The following PXN variants were observed in gnomAD, a reference collection of about 807,000 sequenced individuals.
The protein encoded by PXN is paxillin.
Under a neutral mutation model 103.6 loss-of-function variants are expected in PXN, and 61 were observed. That is an observed-to-expected ratio of 0.59 (90% CI 0.48 to 0.73). The LOEUF is 0.73. PXN is among the 30% of genes least tolerant of loss of function. The probability of loss-of-function intolerance (pLI) is 0.00; values close to 1 mark genes in which losing one functional copy is unlikely to be tolerated. For synonymous variants in PXN, 562 were observed against 607.8 expected, an observed-to-expected ratio of 0.92 and a Z score of 1.11; for missense variants, 1,274 against 1,460.3, an observed-to-expected ratio of 0.87 and a Z score of 2.08.
intron 1 of PXN, among the ~76,000 whole-genome samples, chr12:120,259,229 T>G (rs551095092): frequency 4.6e-5 from 7 of 151,836 alleles, no homozygotes; most frequent in Non-Finnish European, 1.0e-4. Flanking sequence ...CCACCTCTAC[T>G]AAAAATACAA....
At chr12:120,244,420 G>A (rs1224464716) in intron 1 of PXN, among the ~76,000 whole-genome samples, 2 of 151,932 alleles carry the variant, frequency 1.3e-5, no homozygotes, top group Admixed American at 6.6e-5. Flanking sequence ...GCCGAGGCGG[G>A]CGGATCACGA....
In PXN at chr12:120,219,968, G is replaced by T; in HGVS notation, c.955C>A (p.Pro319Thr). The change falls in exon 7 of 15, where the codon CCC becomes ACC. Residue 319 changes from proline to threonine, a missense_variant. By Grantham distance (38) the Pro-to-Thr change is conservative. Around this residue, in one of 2 missense-constraint regions of PXN, gnomAD observed 1,178 missense variants for 1,309.0 expected, o/e 0.90. Transcript: ENST00000637617. This position sits in a 1 kb window ranked among gnomAD's most constrained non-coding sequence, Gnocchi z 6.5. ...PSVFLPPTTIPSPRGQGHTPE... is the reference protein window; with the variant it reads ...PSVFLPPTTITSPRGQGHTPE... ...GTGTGGCCCTGGCCTCGAGGGGAGG[G>T]TATAGTGGTGGGTGGCAGAAATACA... The T allele has an allele frequency of 6.3e-7, 1 of 1,594,790 alleles. No homozygotes were observed.
chr12:120,222,964 G>C lies in PXN; in HGVS notation c.392C>G (p.Pro131Arg), dbSNP rs750055610. The change falls in exon 4 of 15, where the codon CCC becomes CGC. Residue 131 changes from proline (P) to arginine (R), a missense_variant. By Grantham distance (103) the Pro-to-Arg change is moderately radical. Transcript: ENST00000637617. This position sits in a 1 kb window ranked among gnomAD's most constrained non-coding sequence, Gnocchi z 4.7. ...PNKQKSAEPS[P>R]TVMSTSLGSN... ...GCCCAGGGACGTGCTCATTACGGTG[G>C]GTGAAGGCTCAGCTGATTTCTGCTT... is the stretch of plus-strand genomic sequence containing the variant. 1.1e-5 allele frequency: 18 copies of C among 1,613,964 alleles called. No individual in the cohort carries two copies. The South Asian group carries it at 2.0e-4, about 18-fold the overall frequency.
In PXN at chr12:120,228,821, C is replaced by T. The variant is rs1887440090; in HGVS notation, c.14-4444G>A. 1.3e-5 allele frequency among the ~76,000 whole-genome samples: 2 copies of T among 152,344 alleles called. No homozygotes were observed. The highest frequency in any genetic ancestry group is 1.3e-4 in the Admixed American group (2 of 15,312). On this transcript the variant is annotated intron_variant, in intron 1 of 14. Transcript: ENST00000637617. The surrounding 1 kb of genome is among the most constrained non-coding windows in gnomAD (Gnocchi z 4.7). ...ACCGTGTGCGCCCCTATCTGCACCC[C>T]ATGGCTGCACCTGGTCGGAGCAACA...
At chr12:120,236,118 G>C (rs1216020209) in intron 1 of PXN, among the ~76,000 whole-genome samples, 1 of 152,184 alleles carries the variant, frequency 6.6e-6, no homozygotes, top group East Asian at 1.9e-4. Context: ...TCCATGTCTT[G>C]CCCTCTGTAC....
At chr12:120,253,819 A>G (rs537635086) in intron 1 of PXN, among the ~76,000 whole-genome samples, 2 of 152,240 alleles carry the variant, frequency 1.3e-5, no homozygotes, top group Non-Finnish European at 2.9e-5. Flanking sequence ...TAAGCCAGAC[A>G]CAACAAGAAA....
intron 1 of PXN, among the ~76,000 whole-genome samples, chr12:120,231,091 A>T (rs1005352625): frequency 6.6e-6 from 1 of 152,106 alleles, no homozygotes; most frequent in African/African-American, 2.4e-5. Context: ...GGAGGAGGGG[A>T]GCCAGGATGC....
In PXN at chr12:120,212,128, G is replaced by T; in HGVS notation, c.*186C>A. 1 of 888,056 alleles carries T rather than the reference G, an allele frequency of 1.1e-6. No individual in the cohort carries two copies. Among genetic ancestry groups the T allele is most frequent in the Non-Finnish European group, 1.8e-6 (1 of 548,562 alleles). The allele number at this position is 888,056 out of a possible 1,614,324, so 55.0% of individuals were successfully genotyped here. On this transcript the variant is annotated 3_prime_UTR_variant, in exon 15 of 15. Coordinates refer to ENST00000637617, the MANE Select transcript of PXN (RefSeq NM_001385981.1). The surrounding 1 kb of genome is among the most constrained non-coding windows in gnomAD (Gnocchi z 7.2). ...TACAGGAGGGAGGAGGGGGCCCAGA[G>T]GCTCTGGCAGGGGTGAAGACAAGCA...
intron 1 of PXN, among the ~76,000 whole-genome samples, chr12:120,232,012 A>G (rs1199970736): frequency 6.6e-6 from 1 of 152,260 alleles, no homozygotes; most frequent in Admixed American, 6.5e-5. Context: ...AGGCTGGCCA[A>G]ACACCAGAGT....
rs557835020 is a variant in PXN, at chr12:120,216,975, G to T, written c.1858C>A (p.Arg620=). The change falls in exon 8 of 15, where the codon CGG becomes AGG. Residue 620 remains arginine (R), a synonymous_variant. Transcript: ENST00000637617. The surrounding 1 kb of genome is among the most constrained non-coding windows in gnomAD (Gnocchi z 5.1). ...QEQLIAELQG[R]LGIQPEAEEP... is the part of the protein sequence containing the mutation. ...TCTGCCTCAGGCTGGATGCCCAGCC[G>T]CCCCTGCAGCTCCGCGATGAGCTGT... 15 of 1,545,498 alleles carry T rather than the reference G, an allele frequency of 9.7e-6. No individual in the cohort carries two copies. Among genetic ancestry groups the T allele is most frequent in the Non-Finnish European group, 1.3e-5 (15 of 1,152,146 alleles).
intron 7 of PXN, among the ~76,000 whole-genome samples, chr12:120,218,900 T>G (rs1884137866): frequency 6.6e-6 from 1 of 152,138 alleles, no homozygotes; most frequent in South Asian, 2.1e-4. Flanking sequence ...GACATGTGGT[T>G]TGTATCTAGG....
At chr12:120,223,115 C>T (rs1277055424) in intron 3 of PXN, 116 bp from the exon 4 acceptor site, 1 of 1,535,800 alleles carries the variant, frequency 6.5e-7, no homozygotes, top group Non-Finnish European at 8.9e-7. Flanking sequence ...TCTTCCCCCG[C>T]AAGAGGACAG....
At chr12:120,247,177 A>G (rs1043959168) in intron 1 of PXN, among the ~76,000 whole-genome samples, 2 of 152,230 alleles carry the variant, frequency 1.3e-5, no homozygotes, top group Non-Finnish European at 2.9e-5. Context: ...CTCCAATTAA[A>G]AGGCAGAGAT....
rs898238187 is a variant in PXN, at chr12:120,224,083, C to A, written c.240+68G>T. 20 of 1,299,300 alleles carry A rather than the reference C, an allele frequency of 1.5e-5. No individual in the cohort carries two copies. Among genetic ancestry groups the A allele is most frequent in the Non-Finnish European group, 2.1e-5 (20 of 947,612 alleles). 80.5% of individuals were successfully genotyped at this position (1,299,300 alleles called of 1,614,324 possible). ...CCATTCCATCCCCTGGCTCCCTAAG[C>A]CCCTGCCAGCTAAGTTCCCTCTGTC... On this transcript the variant is annotated intron_variant, in intron 2 of 14. Transcript: ENST00000637617. This position sits in a 1 kb window ranked among gnomAD's most constrained non-coding sequence, Gnocchi z 5.0.
chr12:120,212,791 C>A lies in PXN; in HGVS notation c.2980-211G>T, dbSNP rs952146625. 6.0e-6 allele frequency: 3 copies of A among 499,132 alleles called. No homozygotes were observed. Among genetic ancestry groups the A allele is most frequent in the East Asian group, 3.4e-5 (1 of 29,238 alleles). The allele number at this position is 499,132 out of a possible 1,614,324, so 30.9% of individuals were successfully genotyped here. A position where few individuals can be genotyped will look rare whatever the true frequency, so the allele number is the denominator to read the frequency against. On this transcript the variant is annotated intron_variant, in intron 14 of 14. Coordinates refer to ENST00000637617, the MANE Select transcript of PXN (RefSeq NM_001385981.1). The surrounding 1 kb of genome is among the most constrained non-coding windows in gnomAD (Gnocchi z 7.2). ...TAGAGATGGGGGTCTCACTATATTG[C>A]CCATGCTGGTCAAATGTGGCCTCCT...
chr12:120,256,794 C>T (rs1038907560), intron 1 of PXN, among the ~76,000 whole-genome samples: 1 of 152,012 alleles, frequency 6.6e-6, no homozygotes, highest in Non-Finnish European at 1.5e-5. Context: ...CTTGGCTCAC[C>T]GCAACCTCCG....
chr12:120,221,853 A>C lies in PXN; in HGVS notation c.696-95T>G. The stretch of plus-strand genomic sequence containing the variant: ...CTCTCACCTCGGACACTGGGGTCTC[A>C]CCATCCCCAACCCCAGGGAGGTCCA... On this transcript the variant is annotated intron_variant, in intron 5 of 14. Coordinates refer to ENST00000637617, the MANE Select transcript of PXN (RefSeq NM_001385981.1). This position sits in a 1 kb window ranked among gnomAD's most constrained non-coding sequence, Gnocchi z 6.6. 2.1e-5 allele frequency: 31 copies of C among 1,453,442 alleles called. No homozygotes were observed. The highest frequency in any genetic ancestry group is 2.8e-5 in the South Asian group (2 of 72,202). 90.0% of individuals were successfully genotyped at this position (1,453,442 alleles called of 1,614,324 possible).
chr12:120,254,376 C>T (rs77030072), intron 1 of PXN, among the ~76,000 whole-genome samples: 9,787 of 152,126 alleles, frequency 0.064, 374 homozygotes, highest in Middle Eastern at 0.12. Context: ...TCGGGATTTT[C>T]GGATTTTTGT....
At chr12:120,233,087 G>A (rs1006307573) in intron 1 of PXN, among the ~76,000 whole-genome samples, 1 of 152,078 alleles carries the variant, frequency 6.6e-6, no homozygotes, top group African/African-American at 2.4e-5. Flanking sequence ...ACTAGCATTC[G>A]AATCCATGCT....
Sources: allele counts gnomAD v4.1 joint callset (sites outside exome capture counted in the v4.1 genomes callset), GRCh38; gene constraint gnomAD v4.1.1; regional missense constraint gnomAD v4.1.1; non-coding constraint Gnocchi (gnomAD v3.1); transcripts MANE v1.5; gene names NCBI Gene and HGNC (gene_info 2026-07-23, HGNC 2026-07-21).